The following RIMS2 variants were observed in gnomAD, a reference collection of about 807,000 sequenced individuals.
RIMS2 encodes the protein regulating synaptic membrane exocytosis 2.
Under a neutral mutation model 174.4 loss-of-function variants are expected in RIMS2, and 59 were observed. That is an observed-to-expected ratio of 0.34 (90% CI 0.27 to 0.42). The LOEUF (loss-of-function observed/expected upper bound fraction) is 0.42. Ranked by LOEUF, RIMS2 falls within the 10% of genes least tolerant of loss-of-function variation. The pLI is 1.00. For missense variants in RIMS2, 1,620 were observed against 1,666.3 expected (o/e 0.97, Z 0.48); for synonymous variants, 606 against 572.5 (o/e 1.06, Z -0.84).
intron 19 of RIMS2, among the ~76,000 whole-genome samples, chr8:104,145,181 C>T (rs1376750107): frequency 6.6e-6 from 1 of 152,004 alleles, no homozygotes; most frequent in African/African-American, 2.4e-5. Flanking sequence ...ATAGCTAAAT[C>T]TGTACACATT....
chr8:104,104,513 G>C (rs997581125), intron 19 of RIMS2, among the ~76,000 whole-genome samples: 1 of 152,192 alleles, frequency 6.6e-6, no homozygotes, highest in Non-Finnish European at 1.5e-5. Flanking sequence ...AGTTCATGTG[G>C]GAACTGATGA....
chr8:104,079,766 A>T (rs1349621172), intron 19 of RIMS2, among the ~76,000 whole-genome samples: 1 of 151,414 alleles, frequency 6.6e-6, no homozygotes, highest in African/African-American at 2.4e-5. Flanking sequence ...TGTCTTTTAT[A>T]TTAAACTATA....
chr8:104,046,407 G>C (rs756491726), intron 19 of RIMS2, among the ~76,000 whole-genome samples: 10 of 151,984 alleles, frequency 6.6e-5, no homozygotes, highest in Non-Finnish European at 1.3e-4. Flanking sequence ...ATTCAGACTA[G>C]CATGTATTAT....
chr8:103,707,111 ATTTG>A (rs1393144896), intron 2 of RIMS2, among the ~76,000 whole-genome samples: 1 of 152,054 alleles, frequency 6.6e-6, no homozygotes, highest in Non-Finnish European at 1.5e-5. Flanking sequence ...CAGCTCCAGG[ATTTG>A]TTTAATTAGT....
At chr8:103,878,138 G>GACAC (rs1391607459) in intron 3 of RIMS2, among the ~76,000 whole-genome samples, 1 of 151,724 alleles carries the variant, frequency 6.6e-6, no homozygotes, top group Non-Finnish European at 1.5e-5. Context: ...TTCCTGTACT[G>GACAC]ACACACACTC....
At chr8:103,995,317 A>G (rs2095017694) in intron 17 of RIMS2, among the ~76,000 whole-genome samples, 1 of 152,116 alleles carries the variant, frequency 6.6e-6, no homozygotes, top group Non-Finnish European at 1.5e-5. Flanking sequence ...TATATCAACT[A>G]ATTTTAAAAT....
chr8:103,837,940 CTT>C (rs34876587), intron 3 of RIMS2, among the ~76,000 whole-genome samples: 51,366 of 135,212 alleles, frequency 0.38, 9,194 homozygotes, highest in African/African-American at 0.42. Context: ...CTTTCTTTCT[CTT>C]TTTTTTTTTT....
chr8:103,837,440 G>A (rs565183250), intron 3 of RIMS2, among the ~76,000 whole-genome samples: 1 of 152,116 alleles, frequency 6.6e-6, no homozygotes, highest in African/African-American at 2.4e-5. Flanking sequence ...AGTTACATAT[G>A]TATACATGTG....
chr8:104,179,170 C>T (rs1224791543), intron 19 of RIMS2, among the ~76,000 whole-genome samples: 1 of 151,778 alleles, frequency 6.6e-6, no homozygotes. Context: ...ATAAGAATAC[C>T]TCAGGTTAAT....
intron 1 of RIMS2, among the ~76,000 whole-genome samples, chr8:103,628,477 C>G (rs980132955): frequency 6.6e-6 from 1 of 151,728 alleles, no homozygotes; most frequent in Non-Finnish European, 1.5e-5. Flanking sequence ...GCCTTAGCCT[C>G]CTGAGTAGCT....
chr8:103,563,517 T>TA (rs1299064365), intron 1 of RIMS2, among the ~76,000 whole-genome samples: 1 of 152,180 alleles, frequency 6.6e-6, no homozygotes, highest in Non-Finnish European at 1.5e-5. Context: ...TCCATATCAT[T>TA]ATCAGCATTT....
intron 19 of RIMS2, among the ~76,000 whole-genome samples, chr8:104,107,781 C>T (rs1027267692): frequency 6.6e-6 from 1 of 152,150 alleles, no homozygotes; most frequent in African/African-American, 2.4e-5. Flanking sequence ...GACTCCATCT[C>T]TACAAAAACT....
chr8:103,976,572 A>C (rs1339470695), intron 16 of RIMS2: 1 of 104,998 alleles, frequency 9.5e-6, no homozygotes, highest in Admixed American at 8.8e-5. Flanking sequence ...TTTTTGAGAC[A>C]GAGTCCTGCT....
intron 1 of RIMS2, among the ~76,000 whole-genome samples, chr8:103,552,619 A>G (rs1349291925): frequency 2.6e-5 from 4 of 152,218 alleles, no homozygotes; most frequent in Admixed American, 1.3e-4. Flanking sequence ...TAAACTAAAG[A>G]GCTTCTGCAC....
chr8:103,773,671 G>C (rs772542251), intron 3 of RIMS2, among the ~76,000 whole-genome samples: 8 of 152,114 alleles, frequency 5.3e-5, no homozygotes, highest in Non-Finnish European at 8.8e-5. Flanking sequence ...TGGAGGTTGC[G>C]GTGAGCTGAG....
At chr8:103,786,139 CG>C (rs1217253376) in intron 3 of RIMS2, among the ~76,000 whole-genome samples, 9 of 151,966 alleles carry the variant, frequency 5.9e-5, no homozygotes, top group African/African-American at 2.2e-4. Flanking sequence ...TTTTTTATTG[CG>C]TCTATTTGAT....
At chr8:103,936,161 G>T (rs1457321329) in intron 12 of RIMS2, among the ~76,000 whole-genome samples, 1 of 152,118 alleles carries the variant, frequency 6.6e-6, no homozygotes, top group Non-Finnish European at 1.5e-5. Flanking sequence ...CATGACTTCT[G>T]TAGTTTAAGT....
chr8:103,762,040 T>G (rs2098118416), intron 2 of RIMS2, among the ~76,000 whole-genome samples: 1 of 151,856 alleles, frequency 6.6e-6, no homozygotes, highest in East Asian at 1.9e-4. Flanking sequence ...TTTTTTGCTT[T>G]CTTTTAGTAT....
At chr8:104,244,741 C>A (rs2099321312) in intron 19 of RIMS2, among the ~76,000 whole-genome samples, 175 bp from the exon 26 acceptor site, 1 of 152,152 alleles carries the variant, frequency 6.6e-6, no homozygotes, top group African/African-American at 2.4e-5. Flanking sequence ...ATCTTCATCC[C>A]ACTCAACATG....
Sources: gnomAD v4.1 joint callset for allele counts (sites outside exome capture counted in the v4.1 genomes callset) on GRCh38, gnomAD v4.1.1 for gene constraint, MANE v1.5 for transcripts, NCBI Gene and HGNC (gene_info 2026-07-23, HGNC 2026-07-21) for gene names.